Variants in HOMER2 observed in about 807,000 individuals in gnomAD.
The protein encoded by HOMER2 is homer scaffold protein 2.
A neutral mutation model predicts 47.0 loss-of-function variants in HOMER2; 27 were observed. The observed-to-expected ratio is 0.57, with a 90% CI of 0.42 to 0.79. The LOEUF is 0.79. HOMER2 is among the 30% of genes least tolerant of loss of function. The pLI is 0.00. For missense variants in HOMER2, 443 were observed against 435.0 expected, an observed-to-expected ratio of 1.02 and a Z score of -0.16; for synonymous variants, 161 against 163.8, an observed-to-expected ratio of 0.98 and a Z score of 0.13.
chr15:82,836,530 T>C (rs2051129100), downstream of HOMER2, among the ~76,000 whole-genome samples: 1 of 152,254 alleles, frequency 6.6e-6, no homozygotes, highest in Non-Finnish European at 1.5e-5. Flanking sequence ...GGCAAACCCA[T>C]GCCCATCCTT....
At chr15:82,877,448 C>A (rs1305722374) in intron 2 of HOMER2, among the ~76,000 whole-genome samples, 1 of 152,136 alleles carries the variant, frequency 6.6e-6, no homozygotes, top group Non-Finnish European at 1.5e-5. Flanking sequence ...GGATTACAGT[C>A]GTGAACCACC....
intron 3 of HOMER2, among the ~76,000 whole-genome samples, chr15:82,870,269 A>G (rs2052133093): frequency 1.3e-5 from 2 of 152,214 alleles, no homozygotes; most frequent in African/African-American, 4.8e-5. Flanking sequence ...TAAGCCAATC[A>G]TGGAAATCCG....
At chr15:82,879,310 A>G (rs992543157) in intron 2 of HOMER2, among the ~76,000 whole-genome samples, 10 of 152,222 alleles carry the variant, frequency 6.6e-5, no homozygotes, top group African/African-American at 2.4e-4. Context: ...AGCCTGGACA[A>G]CATGGCAAAA....
At chr15:82,970,640 T>C (rs1180345051) in intron 1 of HOMER2, among the ~76,000 whole-genome samples, 1 of 152,230 alleles carries the variant, frequency 6.6e-6, no homozygotes, top group Non-Finnish European at 1.5e-5. Context: ...CTTTATAGCA[T>C]TCATGTCGAA....
At chr15:82,945,115 G>A (rs1461916179) in intron 1 of HOMER2, among the ~76,000 whole-genome samples, 1 of 151,578 alleles carries the variant, frequency 6.6e-6, no homozygotes, top group Non-Finnish European at 1.5e-5. Context: ...CACAGGCACT[G>A]CAAATTACCC....
At chr15:82,889,804 C>T (rs1355411950) in intron 2 of HOMER2, among the ~76,000 whole-genome samples, 1 of 151,744 alleles carries the variant, frequency 6.6e-6, no homozygotes, top group Non-Finnish European at 1.5e-5. Context: ...TTGCTGCCTG[C>T]CAGGTCGAGA....
At chr15:82,975,981 C>T (rs953232335) in intron 1 of HOMER2, among the ~76,000 whole-genome samples, 2 of 152,076 alleles carry the variant, frequency 1.3e-5, no homozygotes, top group African/African-American at 4.8e-5. Flanking sequence ...TAAATATATA[C>T]ACCATGAACC....
At chr15:82,840,021 G>A (rs2051160607) in exon 2 of HOMER2, 1 of 151,956 alleles carries the variant, frequency 6.6e-6, no homozygotes, top group African/African-American at 2.4e-5. Flanking sequence ...AAATTTAAAA[G>A]TATAATTTCA....
In HOMER2 at chr15:82,892,613, G is replaced by A. The variant is rs963895749; in HGVS notation, c.162+72C>T. On this transcript the variant is annotated intron_variant, in intron 2 of 8. Transcript: ENST00000450735. ...TAACAATAACTTATGTGTTAAGACG[G>A]CAGGATTTTGGGTGCATCTTGGATG... 8.3e-6 allele frequency: 10 copies of A among 1,202,442 alleles called. No individual in the cohort carries two copies. In the African/African-American group the frequency reaches 1.5e-4, roughly 18 times the overall value. 74.5% of individuals were successfully genotyped at this position (1,202,442 alleles called of 1,614,324 possible).
chr15:82,961,346 C>G (rs554939390), intron 1 of HOMER2, among the ~76,000 whole-genome samples: 98 of 152,382 alleles, frequency 6.4e-4, no homozygotes, highest in African/African-American at 2.2e-3. Context: ...TTGGGGGGTA[C>G]TATGAGGGTT....
At chr15:82,929,946 T>C (rs1234540205) in intron 1 of HOMER2, among the ~76,000 whole-genome samples, 1 of 151,988 alleles carries the variant, frequency 6.6e-6, no homozygotes, top group African/African-American at 2.4e-5. Context: ...GTCAGGCTGG[T>C]CTTGAACTCC....
chr15:82,929,314 T>A (rs1219373532), intron 1 of HOMER2, among the ~76,000 whole-genome samples: 1 of 151,816 alleles, frequency 6.6e-6, no homozygotes, highest in Non-Finnish European at 1.5e-5. Context: ...GATAGATGGA[T>A]GAGAAAGGGA....
At chr15:82,846,015 G>A (rs1477005628), downstream of HOMER2, 1 of 152,244 alleles carries the variant, frequency 6.6e-6, no homozygotes, top group South Asian at 2.1e-4. Flanking sequence ...GCAGGCTGGA[G>A]ACCAACTGCC....
At chr15:82,931,073 A>G (rs2151195413) in intron 1 of HOMER2, among the ~76,000 whole-genome samples, 1 of 151,756 alleles carries the variant, frequency 6.6e-6, no homozygotes, top group Admixed American at 6.6e-5. Flanking sequence ...ACTGCACTCT[A>G]GCCTGGACGA....
intron 1 of HOMER2, among the ~76,000 whole-genome samples, chr15:82,928,939 C>CAAAAAAAAAAAAAAA (rs1596362215): frequency 5.3e-5 from 1 of 18,694 alleles, no homozygotes; most frequent in African/African-American, 9.0e-4. Context: ...AAAATAAAAA[C>CAAAAAAAAAAAAAAA]TAAAAAAAAA....
chr15:82,923,541 C>T (rs1389763698), intron 1 of HOMER2, among the ~76,000 whole-genome samples: 2 of 150,984 alleles, frequency 1.3e-5, no homozygotes, highest in Non-Finnish European at 2.9e-5. Flanking sequence ...TTTGAGTGAA[C>T]CCCAGTCTCA....
intron 1 of HOMER2, among the ~76,000 whole-genome samples, chr15:82,905,218 G>A (rs1412628121): frequency 2.0e-5 from 3 of 151,428 alleles, no homozygotes; most frequent in Non-Finnish European, 2.9e-5. Flanking sequence ...AACTGCTTTC[G>A]GAAGGCTCAG....
chr15:82,877,201 G>A (rs2052379279), intron 2 of HOMER2, among the ~76,000 whole-genome samples: 1 of 152,032 alleles, frequency 6.6e-6, no homozygotes. Context: ...ACAGAGTCTT[G>A]CTCTGTCACC....
intron 1 of HOMER2, among the ~76,000 whole-genome samples, chr15:82,927,973 CAA>C (rs928406358): frequency 5.2e-5 from 3 of 57,324 alleles, no homozygotes; most frequent in African/African-American, 9.6e-5. Flanking sequence ...AACTCCGTCT[CAA>C]AAAAAAAAAA....
Sources: gnomAD v4.1 joint callset for allele counts (sites outside exome capture counted in the v4.1 genomes callset) on GRCh38, gnomAD v4.1.1 for gene constraint, MANE v1.5 for transcripts, NCBI Gene and HGNC (gene_info 2026-07-23, HGNC 2026-07-21) for gene names.